Variants in NTM observed in about 807,000 individuals in gnomAD.
NTM encodes the protein IgLON family member 2.
Under a neutral mutation model 42.1 loss-of-function variants are expected in NTM, and 13 were observed. That is an observed-to-expected ratio of 0.31 (90% CI 0.20 to 0.49). NTM has a LOEUF of 0.49. Among genes scored for constraint, NTM ranks in the 20% least tolerant of loss-of-function variants. The pLI is 0.99. For missense variants in NTM, 373 were observed against 452.8 expected (o/e 0.82, Z 1.60); for synonymous variants, 187 against 179.2 (o/e 1.04, Z -0.35).
chr11:132,218,772 A>T (rs960685826), intron 4 of NTM, among the ~76,000 whole-genome samples: 1 of 152,196 alleles, frequency 6.6e-6, no homozygotes, highest in African/African-American at 2.4e-5. Context: ...CAGGACCAGA[A>T]CTGGGCCTTC....
At chr11:131,768,446 G>A (rs764222752) in intron 1 of NTM, among the ~76,000 whole-genome samples, 5 of 152,136 alleles carry the variant, frequency 3.3e-5, no homozygotes, top group Admixed American at 2.6e-4. Context: ...ACTAGTTTGA[G>A]CTGAATTCGG....
rs530201312 is a variant in NTM at position 132,067,879 on chromosome 11, G to A, written c.168-78403G>A. Among the ~76,000 whole-genome samples, 13 of 152,312 alleles carry A rather than the reference G, an allele frequency of 8.5e-5. No individual in the cohort carries two copies. In the East Asian group the frequency reaches 1.7e-3, roughly 20 times the overall value. On this transcript the variant is annotated intron_variant, in intron 2 of 8. Coordinates refer to ENST00000683400, the MANE Select transcript of NTM (RefSeq NM_001352005.2). ...CTTTCTATGGAATTTTGGGAGTCTA[G>A]CAACCTTCTTTCATTTAGTCATGTC...
At chr11:132,021,252 T>C (rs1417817129) in intron 2 of NTM, among the ~76,000 whole-genome samples, 1 of 152,164 alleles carries the variant, frequency 6.6e-6, no homozygotes, top group East Asian at 1.9e-4. Context: ...TTTGTTAGAC[T>C]CTCTACATAT....
At chr11:132,315,168 T>C in intron 7 of NTM, 2 of 795,166 alleles carry the variant, frequency 2.5e-6, no homozygotes, top group Non-Finnish European at 3.0e-6. Flanking sequence ...GGGGAATGTT[T>C]GCTATTTCAG....
chr11:131,597,123 T>C (rs2059878984), intron 1 of NTM, among the ~76,000 whole-genome samples: 1 of 152,166 alleles, frequency 6.6e-6, no homozygotes, highest in South Asian at 2.1e-4. Flanking sequence ...TAATCTCCTT[T>C]GGCAACGCCC....
chr11:131,628,991 T>C (rs975260855), intron 1 of NTM, among the ~76,000 whole-genome samples: 4 of 152,116 alleles, frequency 2.6e-5, no homozygotes, highest in African/African-American at 7.2e-5. Context: ...CTGTGCATGG[T>C]GTGGTGTGGG....
intron 1 of NTM, among the ~76,000 whole-genome samples, chr11:131,793,933 G>A (rs906175300): frequency 3.3e-5 from 5 of 152,334 alleles, no homozygotes; most frequent in African/African-American, 4.8e-5. Context: ...CCACAAGAAC[G>A]ACTAGAGTGC....
At chr11:131,445,893 A>G (rs1343394211) in intron 1 of NTM, among the ~76,000 whole-genome samples, 3 of 152,172 alleles carry the variant, frequency 2.0e-5, no homozygotes, top group African/African-American at 7.2e-5. Flanking sequence ...ATTAATTGAC[A>G]TACTGTCTAT....
intron 1 of NTM, among the ~76,000 whole-genome samples, chr11:131,472,853 C>T (rs917969686): frequency 6.6e-6 from 1 of 152,128 alleles, no homozygotes; most frequent in African/African-American, 2.4e-5. Context: ...GACTCCGAAG[C>T]CCACATTACT....
At chr11:132,055,404 A>G (rs2079481545) in intron 2 of NTM, among the ~76,000 whole-genome samples, 1 of 152,104 alleles carries the variant, frequency 6.6e-6, no homozygotes, top group Non-Finnish European at 1.5e-5. Flanking sequence ...ATCTGGGCAT[A>G]CTCAAATAGT....
chr11:131,598,755 C>CTTTGT (rs201769252), intron 1 of NTM, among the ~76,000 whole-genome samples: 1 of 31,098 alleles, frequency 3.2e-5, no homozygotes, highest in African/African-American at 9.7e-5. Flanking sequence ...TTCTTTCTTT[C>CTTTGT]TTCTTTCTTT....
chr11:131,419,824 CA>C (rs1481395689), intron 1 of NTM, among the ~76,000 whole-genome samples: 2 of 152,154 alleles, frequency 1.3e-5, no homozygotes, highest in African/African-American at 2.4e-5. Context: ...CCATTACACT[CA>C]AATAAAGTGA....
intron 1 of NTM, among the ~76,000 whole-genome samples, chr11:131,449,108 C>A (rs917660247): frequency 6.6e-6 from 1 of 152,232 alleles, no homozygotes; most frequent in African/African-American, 2.4e-5. Context: ...GTCTCTGGTG[C>A]TTCTGAGCTA....
At chr11:131,422,041 G>A (rs764571927) in intron 1 of NTM, among the ~76,000 whole-genome samples, 1 of 152,190 alleles carries the variant, frequency 6.6e-6, no homozygotes, top group African/African-American at 2.4e-5. Context: ...GAGTTTGCAA[G>A]TTCAAATCTG....
rs12282827 is a variant in NTM, at chr11:132,091,035, T to G, written c.168-55247T>G. On this transcript the variant is annotated intron_variant, in intron 2 of 8. Transcript: ENST00000683400. ...CAAGCCTTTACTGTGTCTTTCTTAC[T>G]CAAGAGGATTATTGGCATTTTTCCT... 4.2e-3 allele frequency among the ~76,000 whole-genome samples: 636 copies of G among 152,312 alleles called. 5 individuals are homozygous for G. The highest frequency in any genetic ancestry group is 6.1e-3 in the Non-Finnish European group (413 of 68,036).
intron 1 of NTM, among the ~76,000 whole-genome samples, chr11:131,667,982 C>A (rs1466218475): frequency 6.6e-6 from 1 of 152,220 alleles, no homozygotes; most frequent in African/African-American, 2.4e-5. Flanking sequence ...GTGCAATCCA[C>A]TTCTGGTGCC....
intron 2 of NTM, among the ~76,000 whole-genome samples, chr11:131,926,177 C>A (rs1662629390): frequency 1.3e-5 from 2 of 152,090 alleles, no homozygotes; most frequent in South Asian, 2.1e-4. Flanking sequence ...GCATTCCTCG[C>A]TGACGATGTT....
chr11:131,440,380 AGT>A (rs1949516760), intron 1 of NTM, among the ~76,000 whole-genome samples: 1 of 152,160 alleles, frequency 6.6e-6, no homozygotes, highest in African/African-American at 2.4e-5. Context: ...AGATCCCTCA[AGT>A]GTCAGTAATT....
chr11:131,906,548 T>C (rs906799910), intron 1 of NTM, among the ~76,000 whole-genome samples: 2 of 152,090 alleles, frequency 1.3e-5, no homozygotes, highest in Non-Finnish European at 2.9e-5. Flanking sequence ...AAAACTTAGA[T>C]AAAAAGGAAA....
Sources: gnomAD v4.1 joint callset for allele counts (sites outside exome capture counted in the v4.1 genomes callset) on GRCh38, gnomAD v4.1.1 for gene constraint, MANE v1.5 for transcripts, NCBI Gene and HGNC (gene_info 2026-07-23, HGNC 2026-07-21) for gene names.